Variants in PRIM2 observed in about 807,000 individuals in gnomAD.
PRIM2 encodes DNA primase subunit 2, also known as DNA primase large subunit.
PRIM2 carries 39 observed loss-of-function variants against 67.3 expected under a neutral mutation model. That is an observed-to-expected ratio of 0.58 (90% CI 0.45 to 0.76). PRIM2 has a LOEUF of 0.76. Ranked by LOEUF, PRIM2 falls within the 30% of genes least tolerant of loss-of-function variation. The pLI is 0.00. For synonymous variants in PRIM2, 143 were observed against 198.7 expected (o/e 0.72, Z 2.36); for missense variants, 398 against 598.7 (o/e 0.66, Z 3.50).
At chr6:57,488,219 C>A (rs1233407740) in intron 7 of PRIM2, among the ~76,000 whole-genome samples, 1 of 152,096 alleles carries the variant, frequency 6.6e-6, no homozygotes, top group Non-Finnish European at 1.5e-5. Context: ...ACAATCAGAG[C>A]ATGCATAATA....
At chr6:57,264,924 G>A in the PRIM2 span, among the ~76,000 whole-genome samples, 31 of 152,176 alleles carry the variant, frequency 2.0e-4, no homozygotes, top group African/African-American at 7.0e-4. Flanking sequence ...TTTGGAGACT[G>A]AGACTCAGTA....
At chr6:57,350,074 A>G (rs1768812161) in intron 5 of PRIM2, among the ~76,000 whole-genome samples, 3 of 152,210 alleles carry the variant, frequency 2.0e-5, no homozygotes, top group Admixed American at 6.5e-5. Flanking sequence ...AGAGCTTCCC[A>G]GAATCCCTGT....
At position 57,512,901 on chromosome 6, in the gene PRIM2, C is replaced by T. The variant is rs1272404802; in HGVS notation, c.761+5447C>T. On this transcript the variant is annotated intron_variant, in intron 8 of 13. Transcript: ENST00000615550. ...TGTGAGCCACCGTGCTCACCATGCA[C>T]CAGCCAAGAAAACCTGATTTTTCTA... Among the ~76,000 whole-genome samples, 191 of 152,236 alleles carry T rather than the reference C, an allele frequency of 1.3e-3. 5 individuals are homozygous for T. The East Asian group carries it at 0.016, about 13-fold the overall frequency.
intron 10 of PRIM2, among the ~76,000 whole-genome samples, chr6:57,587,828 T>C (rs1312308309): frequency 6.6e-6 from 1 of 152,078 alleles, no homozygotes; most frequent in Non-Finnish European, 1.5e-5. Flanking sequence ...GGAACTGATA[T>C]CCTTTCCCAC....
chr6:57,520,889 AAACCCGTATGGTCCT>A (rs1774602282), intron 8 of PRIM2, among the ~76,000 whole-genome samples: 2 of 152,340 alleles, frequency 1.3e-5, no homozygotes, highest in South Asian at 4.1e-4. Flanking sequence ...CCTGGTATGG[AAACCCGTATGGTCCT>A]GATTTTTATG....
intron 10 of PRIM2, among the ~76,000 whole-genome samples, chr6:57,578,194 C>T (rs1775997691): frequency 6.6e-6 from 1 of 152,126 alleles, no homozygotes; most frequent in South Asian, 2.1e-4. Flanking sequence ...ACACTTATTA[C>T]TTATTATTAA....
chr6:57,386,444 G>A (rs1286877037), intron 7 of PRIM2, among the ~76,000 whole-genome samples: 5 of 145,522 alleles, frequency 3.4e-5, no homozygotes, highest in Non-Finnish European at 7.5e-5. Flanking sequence ...AAAAAAGAAC[G>A]AAAGAAAGAA....
chr6:57,364,304 TC>T (rs1769284797), intron 5 of PRIM2, among the ~76,000 whole-genome samples: 1 of 152,188 alleles, frequency 6.6e-6, no homozygotes. Flanking sequence ...GTTATTGCCC[TC>T]CCACAGCCTT....
the PRIM2 span, among the ~76,000 whole-genome samples, chr6:57,306,941 C>A: frequency 6.6e-6 from 1 of 152,172 alleles, no homozygotes. Context: ...TGGCTCATGC[C>A]TGTAATCCCA....
At chr6:57,615,431 A>G (rs1439762266) in intron 12 of PRIM2, among the ~76,000 whole-genome samples, 1 of 152,084 alleles carries the variant, frequency 6.6e-6, no homozygotes, top group Non-Finnish European at 1.5e-5. Flanking sequence ...AAAAAAAAAA[A>G]AAAAAAAAAT....
At chr6:57,313,411 G>C (rs1271748484), upstream of PRIM2, among the ~76,000 whole-genome samples, 3 of 152,124 alleles carry the variant, frequency 2.0e-5, no homozygotes, top group Non-Finnish European at 4.4e-5. Flanking sequence ...CATAGAAAAT[G>C]TTGCCTGGCA....
chr6:57,246,423 A>G, the PRIM2 span, among the ~76,000 whole-genome samples: 2 of 152,216 alleles, frequency 1.3e-5, no homozygotes, highest in African/African-American at 4.8e-5. Flanking sequence ...AGTTTGGCTC[A>G]GTTTTGTTTT....
At chr6:57,336,250 G>A (rs1400788202) in intron 5 of PRIM2, among the ~76,000 whole-genome samples, 2 of 152,190 alleles carry the variant, frequency 1.3e-5, no homozygotes, top group South Asian at 2.1e-4. Context: ...ACCTGAAAGT[G>A]ACGGGGAGAA....
At chr6:57,316,222 C>T (rs554180378), upstream of PRIM2, among the ~76,000 whole-genome samples, 5 of 152,256 alleles carry the variant, frequency 3.3e-5, no homozygotes, top group African/African-American at 1.2e-4. Context: ...GTCAGGAGTT[C>T]GAGACCAGCT....
chr6:57,611,505 G>A (rs1411001442), intron 12 of PRIM2, among the ~76,000 whole-genome samples: 1 of 152,052 alleles, frequency 6.6e-6, no homozygotes, highest in Non-Finnish European at 1.5e-5. Flanking sequence ...AAGGTGCCAG[G>A]GCAATTTAAT....
At chr6:57,498,760 A>G (rs1554346586) in intron 7 of PRIM2, among the ~76,000 whole-genome samples, 2 of 152,022 alleles carry the variant, frequency 1.3e-5, no homozygotes, top group Non-Finnish European at 2.9e-5. Context: ...CAGAGAAGGG[A>G]TTCATTATTT....
intron 7 of PRIM2, among the ~76,000 whole-genome samples, chr6:57,416,515 A>G (rs1771267341): frequency 6.6e-6 from 1 of 152,198 alleles, no homozygotes; most frequent in African/African-American, 2.4e-5. Context: ...TTAGCCCCTA[A>G]CAAGGGAATG....
chr6:57,409,097 A>C (rs1770997550), intron 7 of PRIM2, among the ~76,000 whole-genome samples: 1 of 151,974 alleles, frequency 6.6e-6, no homozygotes, highest in Non-Finnish European at 1.5e-5. Flanking sequence ...TCCCCAATTC[A>C]AATGTCCACT....
intron 10 of PRIM2, among the ~76,000 whole-genome samples, chr6:57,557,695 A>ATATC (rs1197305101): frequency 6.6e-6 from 1 of 151,884 alleles, no homozygotes; most frequent in Non-Finnish European, 1.5e-5. Context: ...GGGTGATGAA[A>ATATC]TATCTATACA....
Sources: gnomAD v4.1 joint callset for allele counts (sites outside exome capture counted in the v4.1 genomes callset) on GRCh38, gnomAD v4.1.1 for gene constraint, MANE v1.5 for transcripts, NCBI Gene and HGNC (gene_info 2026-07-23, HGNC 2026-07-21) for gene names.